CIB4: variants seen among roughly 807,000 people sequenced by gnomAD.
The protein encoded by CIB4 is calcium and integrin-binding family member 4.
In CIB4, 25 loss-of-function variants were observed where a neutral mutation model predicts 25.8. That is an observed-to-expected ratio of 0.97 (90% CI 0.71 to 1.35). The LOEUF (loss-of-function observed/expected upper bound fraction) is 1.35, where lower values mean the gene tolerates loss of function less well. Ranked by LOEUF, CIB4 falls within the 40% of genes most tolerant of loss-of-function variation. The pLI, the probability that CIB4 is intolerant of heterozygous loss-of-function variation, is 0.00. For missense variants in CIB4, 235 were observed against 228.2 expected (o/e 1.03, Z -0.19); for synonymous variants, 75 against 81.4 (o/e 0.92, Z 0.42).
intron 4 of CIB4, among the ~76,000 whole-genome samples, chr2:26,588,978 TTTCTTCTTCTTCTTCTTCTTCTTC>T (rs879474454): frequency 1.4e-5 from 1 of 69,890 alleles, no homozygotes; most frequent in Admixed American, 1.5e-4. Context: ...CCGCTTCTTC[TTTCTTCTTCTTCTTCTTCTTCTTC>T]TTCTTCTTCT....
intron 4 of CIB4, among the ~76,000 whole-genome samples, chr2:26,587,985 C>A (rs1316302123): frequency 1.3e-5 from 2 of 152,206 alleles, no homozygotes; most frequent in African/African-American, 4.8e-5. Context: ...GTGTAAGTTC[C>A]CCTCACTCCT....
At chr2:26,617,748 CT>C (rs1669121442) in intron 3 of CIB4, among the ~76,000 whole-genome samples, 1 of 151,978 alleles carries the variant, frequency 6.6e-6, no homozygotes, top group Admixed American at 6.5e-5. Flanking sequence ...AAAGAGCCCC[CT>C]GCGGCTGCTT....
chr2:26,628,016 G>A (rs762324974), intron 3 of CIB4, among the ~76,000 whole-genome samples: 14 of 152,120 alleles, frequency 9.2e-5, no homozygotes, highest in Admixed American at 5.9e-4. Context: ...AGCCCAGTTC[G>A]TTCCAAACAG....
At chr2:26,612,524 C>G (rs1669014323) in intron 3 of CIB4, among the ~76,000 whole-genome samples, 1 of 152,298 alleles carries the variant, frequency 6.6e-6, no homozygotes, top group Middle Eastern at 3.4e-3. Context: ...CCTGGCCTCC[C>G]TCCCCTCCCA....
chr2:26,601,392 CA>C (rs1462694922), intron 3 of CIB4, among the ~76,000 whole-genome samples: 4 of 151,658 alleles, frequency 2.6e-5, no homozygotes, highest in African/African-American at 9.7e-5. Context: ...TGATTTATGA[CA>C]AAGATAACAT....
intron 3 of CIB4, among the ~76,000 whole-genome samples, chr2:26,598,647 C>T (rs939829959): frequency 4.6e-5 from 7 of 152,144 alleles, no homozygotes; most frequent in African/African-American, 1.7e-4. Flanking sequence ...TAGTATAGTT[C>T]GCTGTAAGGC....
At chr2:26,589,078 T>TTCC (rs1668525602) in intron 4 of CIB4, among the ~76,000 whole-genome samples, 10 of 32,536 alleles carry the variant, frequency 3.1e-4, no homozygotes, top group African/African-American at 1.1e-3. Flanking sequence ...CTTCCTCTTC[T>TTCC]TCTTCTTCTT....
chr2:26,622,675 A>C (rs1669228038), intron 3 of CIB4, among the ~76,000 whole-genome samples: 1 of 152,004 alleles, frequency 6.6e-6, no homozygotes, highest in African/African-American at 2.4e-5. Context: ...CACATGAATA[A>C]TTTTGATTTA....
intron 4 of CIB4, among the ~76,000 whole-genome samples, chr2:26,587,970 G>A (rs1019596922): frequency 6.6e-6 from 1 of 152,230 alleles, no homozygotes; most frequent in Non-Finnish European, 1.5e-5. Context: ...ATATGGGTGT[G>A]GAAGGTGTAA....
At chr2:26,640,448 G>T in intron 2 of CIB4, 85 bp downstream of exon 2, 2 of 1,416,592 alleles carry the variant, frequency 1.4e-6, no homozygotes, top group Non-Finnish European at 2.0e-6. Context: ...CACACTCAGG[G>T]ACCAGCGTGA....
chr2:26,633,246 T>C (rs1572573877), intron 2 of CIB4, among the ~76,000 whole-genome samples: 1 of 152,224 alleles, frequency 6.6e-6, no homozygotes, highest in African/African-American at 2.4e-5. Context: ...CACCCTCTCA[T>C]GACAAAGCCT....
intron 2 of CIB4, among the ~76,000 whole-genome samples, chr2:26,639,360 C>CA (rs1669593993): frequency 6.6e-6 from 1 of 151,798 alleles, no homozygotes; most frequent in Admixed American, 6.6e-5. Context: ...CCCCACCCCC[C>CA]AACAGGCCCC....
intron 2 of CIB4, among the ~76,000 whole-genome samples, chr2:26,639,931 A>G (rs1669603702): frequency 6.6e-6 from 1 of 151,828 alleles, no homozygotes; most frequent in African/African-American, 2.4e-5. Flanking sequence ...CTCTCACACT[A>G]TTCACTCTCC....
chr2:26,591,615 G>A (rs987550976), intron 4 of CIB4, among the ~76,000 whole-genome samples: 3 of 152,194 alleles, frequency 2.0e-5, no homozygotes, highest in African/African-American at 4.8e-5. Context: ...TCAGGCTTTC[G>A]TATAATCCCC....
intron 3 of CIB4, among the ~76,000 whole-genome samples, chr2:26,600,071 CAAAA>C (rs34881604): frequency 1.6e-4 from 18 of 115,634 alleles, no homozygotes; most frequent in East Asian, 4.4e-4. Context: ...GACTCTGTCT[CAAAA>C]AAAAAAAAAA....
At chr2:26,589,030 T>TTCTTCTTCTTCTTCC (rs1668516263) in intron 4 of CIB4, among the ~76,000 whole-genome samples, 1 of 37,720 alleles carries the variant, frequency 2.7e-5, no homozygotes, top group African/African-American at 1.1e-4. Flanking sequence ...CTTCTTCTTC[T>TTCTTCTTCTTCTTCC]TCTTCTTCTT....
At chr2:26,588,929 G>A (rs1668505171) in intron 4 of CIB4, among the ~76,000 whole-genome samples, 1 of 151,682 alleles carries the variant, frequency 6.6e-6, no homozygotes, top group Admixed American at 6.6e-5. Flanking sequence ...GTAAGCTCCA[G>A]GGAGGTGTGG....
chr2:26,606,920 C>T (rs550695731), intron 3 of CIB4, among the ~76,000 whole-genome samples: 1 of 152,084 alleles, frequency 6.6e-6, no homozygotes, highest in Non-Finnish European at 1.5e-5. Context: ...GCTAATGGAA[C>T]AAATAGGGAA....
chr2:26,602,409 A>G (rs1668809399), intron 3 of CIB4, among the ~76,000 whole-genome samples: 1 of 152,216 alleles, frequency 6.6e-6, no homozygotes, highest in Admixed American at 6.5e-5. Context: ...TGGATTAGCA[A>G]TTCTTACCAC....
Sources: gnomAD v4.1 joint callset for allele counts (sites outside exome capture counted in the v4.1 genomes callset) on GRCh38, gnomAD v4.1.1 for gene constraint, MANE v1.5 for transcripts, NCBI Gene and HGNC (gene_info 2026-07-23, HGNC 2026-07-21) for gene names.